Variants in TSHZ2 observed in about 807,000 individuals in gnomAD.
TSHZ2 encodes the protein teashirt homolog 2.
Under a neutral mutation model 74.4 loss-of-function variants are expected in TSHZ2, and 21 were observed. The ratio of observed to expected loss-of-function variants is 0.28; its 90% CI spans 0.20 to 0.41. TSHZ2 has a LOEUF of 0.41. Among genes scored for constraint, TSHZ2 ranks in the 10% least tolerant of loss-of-function variants. TSHZ2 has a pLI of 1.00. For missense variants in TSHZ2, 1,244 were observed against 1,293.5 expected, an observed-to-expected ratio of 0.96 and a Z score of 0.59; for synonymous variants, 540 against 515.3, an observed-to-expected ratio of 1.05 and a Z score of -0.65.
At chr20:53,444,227 G>A (rs796677622) in intron 2 of TSHZ2, among the ~76,000 whole-genome samples, 8 of 152,248 alleles carry the variant, frequency 5.3e-5, no homozygotes, top group Non-Finnish European at 1.0e-4. Flanking sequence ...CTGATTAGTC[G>A]TGGTTCTCTG....
At chr20:53,164,596 G>C (rs996672547) in intron 1 of TSHZ2, among the ~76,000 whole-genome samples, 2 of 152,160 alleles carry the variant, frequency 1.3e-5, no homozygotes, top group African/African-American at 2.4e-5. Context: ...GGCCCTGTTA[G>C]CTAGTGCAAC....
intron 2 of TSHZ2, among the ~76,000 whole-genome samples, chr20:53,423,958 C>T (rs1238028394): frequency 6.6e-6 from 1 of 152,186 alleles, no homozygotes; most frequent in Non-Finnish European, 1.5e-5. Context: ...GCTAAACACC[C>T]CGACGACGCG....
intron 1 of TSHZ2, among the ~76,000 whole-genome samples, chr20:53,030,474 C>G (rs1012212564): frequency 1.3e-5 from 2 of 152,146 alleles, no homozygotes; most frequent in Admixed American, 6.5e-5. Flanking sequence ...GGTCAGCAAG[C>G]ATCAACAGAA....
intron 2 of TSHZ2, among the ~76,000 whole-genome samples, chr20:53,451,232 GT>G (rs1984771884): frequency 6.6e-6 from 1 of 152,162 alleles, no homozygotes; most frequent in Non-Finnish European, 1.5e-5. Flanking sequence ...TCAGTTTCTG[GT>G]TTATAACTCT....
intron 1 of TSHZ2, among the ~76,000 whole-genome samples, chr20:53,213,899 T>A (rs1045154126): frequency 2.0e-5 from 3 of 152,158 alleles, no homozygotes; most frequent in African/African-American, 7.2e-5. Context: ...GGCTCCCTTG[T>A]CTGGAAGGAT....
At chr20:53,283,434 C>T (rs527716390) in intron 2 of TSHZ2, among the ~76,000 whole-genome samples, 45 of 152,310 alleles carry the variant, frequency 3.0e-4, no homozygotes, top group African/African-American at 1.1e-3. Flanking sequence ...CCCTATTTTA[C>T]AGATGAAGTA....
rs1982795500 is a variant in TSHZ2 at position 53,405,093 on chromosome 20, A to G, written c.*9-82051A>G. Among the ~76,000 whole-genome samples, 3 of 152,180 alleles carry G rather than the reference A, an allele frequency of 2.0e-5. No individual in the cohort carries two copies. The South Asian group carries it at 6.2e-4, about 32-fold the overall frequency. ...GGCGAAAACCTGTCTCTACAAAAAT[A>G]CAAAAATTAGCCAGCTGTGGTTGCG... On this transcript the variant is annotated intron_variant, in intron 2 of 2. Transcript: ENST00000371497.
chr20:53,402,399 C>T (rs186696596), intron 2 of TSHZ2, among the ~76,000 whole-genome samples: 2 of 152,268 alleles, frequency 1.3e-5, no homozygotes, highest in African/African-American at 4.8e-5. Flanking sequence ...GTACTCAGTA[C>T]AGGCCCATGT....
intron 2 of TSHZ2, among the ~76,000 whole-genome samples, chr20:53,391,353 G>A (rs1982248126): frequency 6.6e-6 from 1 of 152,084 alleles, no homozygotes; most frequent in Non-Finnish European, 1.5e-5. Flanking sequence ...CACCGTGTTA[G>A]CCAGGATGGT....
At chr20:53,222,835 T>C (rs1274656025) in intron 1 of TSHZ2, among the ~76,000 whole-genome samples, 1 of 152,222 alleles carries the variant, frequency 6.6e-6, no homozygotes. Flanking sequence ...CTTTTTACTA[T>C]TCAGATTGTC....
intron 2 of TSHZ2, among the ~76,000 whole-genome samples, chr20:53,303,443 G>C (rs987343645): frequency 6.6e-6 from 1 of 152,138 alleles, no homozygotes; most frequent in Non-Finnish European, 1.5e-5. Context: ...CAGCACAACT[G>C]GAAGGTGGTT....
At chr20:53,146,349 G>T (rs1987539989) in intron 1 of TSHZ2, among the ~76,000 whole-genome samples, 1 of 151,950 alleles carries the variant, frequency 6.6e-6, no homozygotes, top group African/African-American at 2.4e-5. Flanking sequence ...TGTGTAGACG[G>T]AGCCTAAATT....
At chr20:53,327,617 A>G (rs978371858) in intron 2 of TSHZ2, among the ~76,000 whole-genome samples, 73 of 152,240 alleles carry the variant, frequency 4.8e-4, no homozygotes, top group African/African-American at 1.8e-3. Context: ...CTGTTTACTC[A>G]TTCATTGATA....
At chr20:52,975,261 T>C (rs186926333) in intron 1 of TSHZ2, among the ~76,000 whole-genome samples, 107 of 152,284 alleles carry the variant, frequency 7.0e-4, no homozygotes, top group African/African-American at 2.4e-3. Context: ...CTTTTTTTTT[T>C]TCTGGTTGTT....
intron 2 of TSHZ2, among the ~76,000 whole-genome samples, chr20:53,442,780 C>G (rs926866266): frequency 6.6e-6 from 1 of 152,184 alleles, no homozygotes; most frequent in Admixed American, 6.5e-5. Context: ...CTTGCCTTAA[C>G]AACATTGTCA....
intron 1 of TSHZ2, among the ~76,000 whole-genome samples, chr20:53,087,131 C>T (rs901662777): frequency 2.0e-5 from 3 of 152,142 alleles, no homozygotes; most frequent in African/African-American, 7.2e-5. Context: ...CATGGCTAGA[C>T]CTTTTGCCCT....
intron 2 of TSHZ2, among the ~76,000 whole-genome samples, chr20:53,349,651 CAAAAA>C (rs559107005): frequency 7.5e-6 from 1 of 133,372 alleles, no homozygotes; most frequent in African/African-American, 2.9e-5. Flanking sequence ...GACCCCACCT[CAAAAA>C]AAAAAAAAAA....
At chr20:53,230,720 G>A (rs554741219) in intron 1 of TSHZ2, among the ~76,000 whole-genome samples, 6 of 151,874 alleles carry the variant, frequency 4.0e-5, no homozygotes, top group African/African-American at 9.7e-5. Context: ...GTGAACCCTC[G>A]TCTTTACTAA....
chr20:53,196,409 T>TAAAAAAAAAA (rs1988871017), intron 1 of TSHZ2: 2 of 144,826 alleles, frequency 1.4e-5, no homozygotes, highest in African/African-American at 5.2e-5. Context: ...TTCAACAAAT[T>TAAAAAAAAAA]AGAATACGCC....
Sources: allele counts gnomAD v4.1 joint callset (sites outside exome capture counted in the v4.1 genomes callset), GRCh38; gene constraint gnomAD v4.1.1; transcripts MANE v1.5; gene names NCBI Gene and HGNC (gene_info 2026-07-23, HGNC 2026-07-21).